The following ADGRG7 variants were observed in gnomAD, a reference collection of about 807,000 sequenced individuals.
ADGRG7 encodes the protein G-protein coupled receptor 128.
Under a neutral mutation model 88.6 loss-of-function variants are expected in ADGRG7, and 82 were observed. The ratio of observed to expected loss-of-function variants is 0.93; its 90% CI spans 0.77 to 1.11. The LOEUF (loss-of-function observed/expected upper bound fraction) is 1.11. Ranked by LOEUF, ADGRG7 falls within the 50% of genes most tolerant of loss-of-function variation. The pLI is 0.00. For missense variants in ADGRG7, 945 were observed against 953.4 expected (o/e 0.99, Z 0.12); for synonymous variants, 381 against 345.2 (o/e 1.10, Z -1.15).
Position 100,646,011 on chromosome 3 carries a change from C to G in ADGRG7, c.1013C>G (p.Thr338Arg). 6.2e-7 allele frequency: 1 copy of G among 1,613,954 alleles called. No individual in the cohort carries two copies. Residue 338 changes from threonine (T) to arginine (R), a missense_variant, in exon 9 of 16, where the codon ACA becomes AGA. Coordinates refer to ENST00000273352, the MANE Select transcript of ADGRG7 (RefSeq NM_032787.3). ...NDKLFQSKTF[T>R]AKSDFSQKII... is the part of the protein sequence containing the mutation. ...AAGCTTTTCCAATCAAAAACTTTTA[C>G]AGCTAAATCGGATTTTAGTCAAAAA...
Position 100,658,933 on chromosome 3 carries a change from A to G in ADGRG7, c.1824-755A>G, listed in dbSNP as rs186336358. On this transcript the variant is annotated intron_variant, in intron 13 of 15. Coordinates refer to ENST00000273352, the MANE Select transcript of ADGRG7 (RefSeq NM_032787.3). ...AGCACATAATATGTACTCTCTAAAT[A>G]TTTATTAAATGAATTAATTAATTCT... Among the ~76,000 whole-genome samples, 27 of 151,896 alleles carry G rather than the reference A, an allele frequency of 1.8e-4. No homozygotes were observed. The East Asian group carries it at 4.7e-3, about 26-fold the overall frequency.
chr3:100,689,801 C>G (rs1197489363), intron 15 of ADGRG7, among the ~76,000 whole-genome samples: 1 of 152,188 alleles, frequency 6.6e-6, no homozygotes, highest in Non-Finnish European at 1.5e-5. Context: ...TCTGGCTGCC[C>G]TTAACATTTT....
In ADGRG7 at chr3:100,637,968, A is replaced by T. The variant is rs564277212; in HGVS notation, c.698+566A>T. Among the ~76,000 whole-genome samples, 27 of 152,320 alleles carry T rather than the reference A, an allele frequency of 1.8e-4. No individual in the cohort carries two copies. The South Asian group carries it at 4.3e-3, about 25-fold the overall frequency. ...GAGCAAGTGTGGGAATCAGCCAGTC[A>T]CTTCTCCACTGTCAGGAGCGAACTC... On this transcript the variant is annotated intron_variant, in intron 6 of 15. Coordinates refer to ENST00000273352, the MANE Select transcript of ADGRG7 (RefSeq NM_032787.3).
At chr3:100,665,177 T>A (rs2094950189) in intron 14 of ADGRG7, 28 of 539,646 alleles carry the variant, frequency 5.2e-5, no homozygotes, top group South Asian at 3.9e-4. Flanking sequence ...ATATATCATT[T>A]GTTGTTCAGG....
rs900302958 is a variant in ADGRG7, at chr3:100,681,271, C to G, written c.2136+12166C>G. 2.7e-5 allele frequency among the ~76,000 whole-genome samples: 4 copies of G among 148,002 alleles called. No individual in the cohort carries two copies. The East Asian group carries it at 8.0e-4, about 30-fold the overall frequency. On this transcript the variant is annotated intron_variant, in intron 15 of 15. Coordinates refer to ENST00000273352, the MANE Select transcript of ADGRG7 (RefSeq NM_032787.3). Reference sequence around the variant, plus strand: ...GGAATATCAAGACTTTTAAATAAAACAAAGATGTGTTATTGAAAGACATCT... The same window carrying G: ...GGAATATCAAGACTTTTAAATAAAAGAAAGATGTGTTATTGAAAGACATCT...
intron 15 of ADGRG7, among the ~76,000 whole-genome samples, chr3:100,678,468 C>T (rs2094968585): frequency 1.3e-5 from 2 of 151,952 alleles, no homozygotes; most frequent in African/African-American, 4.8e-5. Context: ...TTGGCGAGGC[C>T]ATATTTTTCT....
At chr3:100,615,300 T>C (rs118021118) in intron 1 of ADGRG7, among the ~76,000 whole-genome samples, 1 of 152,374 alleles carries the variant, frequency 6.6e-6, no homozygotes, top group East Asian at 1.9e-4. Context: ...TTAATCTTTC[T>C]GAGTGTGACT....
rs1452472984 is a variant in ADGRG7, at chr3:100,695,476, C to A, written c.*475C>A. 6.6e-6 allele frequency: 1 copy of A among 152,338 alleles called. No individual in the cohort carries two copies. The highest frequency in any genetic ancestry group is 2.4e-5 in the African/African-American group (1 of 41,398). The allele number at this position is 152,338 out of a possible 1,614,324, so 9.4% of individuals were successfully genotyped here. A position where few individuals can be genotyped will look rare whatever the true frequency, so the allele number is the denominator to read the frequency against. On this transcript the variant is annotated 3_prime_UTR_variant, in exon 16 of 16. Coordinates refer to ENST00000273352, the MANE Select transcript of ADGRG7 (RefSeq NM_032787.3). ...TTTATTTCCAATGAAGAATTTGGCA[C>A]CAATTCAAACTTTGAAAAGCGATAT...
rs373989347 is a variant in ADGRG7, at chr3:100,655,934, G to A, written c.1762G>A (p.Val588Ile). ...TATAGTAGTGGCTATAACAGTGGGA[G>A]TTATTTATTCTCAGAATGGAAATAA... ...PAIVVAITVGVIYSQNGNNPQ... is the reference protein window; with the variant it reads ...PAIVVAITVGIIYSQNGNNPQ... The change falls in exon 13 of 16, where the codon GTT becomes ATT. Residue 588 changes from valine to isoleucine, a missense_variant. Physicochemically the swap from Val to Ile is conservative, Grantham distance 29. Transcript: ENST00000273352. 1.9e-6 allele frequency: 3 copies of A among 1,607,784 alleles called. No individual in the cohort carries two copies. Among genetic ancestry groups the A allele is most frequent in the African/African-American group, 1.3e-5 (1 of 74,794 alleles).
At chr3:100,691,244 TTTC>T (rs1282888771) in intron 15 of ADGRG7, among the ~76,000 whole-genome samples, 3 of 152,196 alleles carry the variant, frequency 2.0e-5, no homozygotes. Context: ...GTGACCCGAT[TTTC>T]CAGGTGCCGT....
Position 100,645,958 on chromosome 3 carries a change from A to G in ADGRG7, c.960A>G (p.Thr320=), listed in dbSNP as rs1223200341. Residue 320 remains threonine (T), a synonymous_variant, in exon 9 of 16, where the codon ACA becomes ACG. Coordinates refer to ENST00000273352, the MANE Select transcript of ADGRG7 (RefSeq NM_032787.3). ...TTCTCCCTATAGATTACACCAAGAC[A>G]TGCGGCTTTGTAGTTTATCAAAATG... The part of the protein sequence containing the change: ...LLNMTKNYTK[T]CGFVVYQNDK... 6.2e-7 allele frequency: 1 copy of G among 1,613,792 alleles called. No individual in the cohort carries two copies. Among genetic ancestry groups the G allele is most frequent in the Non-Finnish European group, 8.5e-7 (1 of 1,179,918 alleles).
rs768505512 is a variant in ADGRG7, at chr3:100,643,507, ACT to A, written c.839-16_839-15del. 8 of 1,608,156 alleles carry A rather than the reference ACT, an allele frequency of 5.0e-6. No homozygotes were observed. Among genetic ancestry groups the A allele is most frequent in the Non-Finnish European group, 6.8e-6 (8 of 1,176,646 alleles). On this transcript the variant is annotated splice_polypyrimidine_tract_variant and intron_variant, in intron 7 of 15. Transcript: ENST00000273352. The stretch of plus-strand genomic sequence containing the variant: ...TGATAATGTAGACTTTTACAATTCT[ACT>A]CTTTCCCTTCTCATAGGAGCTAGCA...
At chr3:100,621,534 G>A (rs532324219) in intron 1 of ADGRG7, among the ~76,000 whole-genome samples, 30 of 152,294 alleles carry the variant, frequency 2.0e-4, no homozygotes, top group African/African-American at 6.7e-4. Flanking sequence ...TCCAGAACAA[G>A]GCTCTAACTT....
At chr3:100,679,243 C>T (rs78929434) in intron 15 of ADGRG7, among the ~76,000 whole-genome samples, 4,973 of 152,276 alleles carry the variant, frequency 0.033, 276 homozygotes, top group African/African-American at 0.11. Context: ...CCATGGCTAC[C>T]ACCACTTCAG....
At chr3:100,612,980 C>T (rs1442854702) in intron 1 of ADGRG7, among the ~76,000 whole-genome samples, 1 of 152,144 alleles carries the variant, frequency 6.6e-6, no homozygotes, top group African/African-American at 2.4e-5. Context: ...ACCTCTGCCT[C>T]CTGAGTTCAA....
At chr3:100,646,185 G>A (rs1707741365) in intron 9 of ADGRG7, 77 bp downstream of exon 9, 1 of 579,500 alleles carries the variant, frequency 1.7e-6, no homozygotes, top group South Asian at 1.6e-5. Flanking sequence ...AGACTGAGTA[G>A]AGTAATACAG....
At chr3:100,639,384 G>A (rs1030288208) in intron 6 of ADGRG7, among the ~76,000 whole-genome samples, 9 of 152,154 alleles carry the variant, frequency 5.9e-5, no homozygotes, top group East Asian at 1.9e-4. Flanking sequence ...CCTACTTAGC[G>A]TTGAATTTTC....
At position 100,688,187 on chromosome 3, in the gene ADGRG7, G is replaced by A. The variant is rs529015121; in HGVS notation, c.2137-6557G>A. ...CATAGAGGTGTTTATAGTATTCTCT[G>A]ATGCTAGTTTGTATTTCTGTGGGAT... On this transcript the variant is annotated intron_variant, in intron 15 of 15. Transcript: ENST00000273352. Among the ~76,000 whole-genome samples, 107 of 152,288 alleles carry A rather than the reference G, an allele frequency of 7.0e-4. 3 individuals carry two copies. The South Asian group carries it at 0.022, about 31-fold the overall frequency.
intron 11 of ADGRG7, chr3:100,654,490 C>T (rs545275397): frequency 5.5e-4 from 97 of 177,678 alleles, no homozygotes; most frequent in Non-Finnish European, 9.0e-4. Flanking sequence ...AATCAAGGTA[C>T]AGGCCAGGTT....
Sources: gnomAD v4.1 joint callset for allele counts (sites outside exome capture counted in the v4.1 genomes callset) on GRCh38, gnomAD v4.1.1 for gene constraint, MANE v1.5 for transcripts, NCBI Gene and HGNC (gene_info 2026-07-23, HGNC 2026-07-21) for gene names.